The following NTM variants were observed in gnomAD, a reference collection of about 807,000 sequenced individuals.
NTM encodes IgLON family member 2.
NTM carries 13 observed loss-of-function variants against 42.1 expected under a neutral mutation model. The ratio of observed to expected loss-of-function variants is 0.31; its 90% confidence interval spans 0.20 to 0.49. The LOEUF (loss-of-function observed/expected upper bound fraction) is 0.49. Among genes scored for constraint, NTM ranks in the 20% least tolerant of loss-of-function variants. The pLI, the probability that NTM is intolerant of heterozygous loss-of-function variation, is 0.99. For missense variants in NTM, 373 were observed against 452.8 expected (o/e 0.82, Z 1.60); for synonymous variants, 187 against 179.2 (o/e 1.04, Z -0.35).
intron 2 of NTM, among the ~76,000 whole-genome samples, chr11:131,969,405 T>C (rs2063244388): frequency 6.6e-6 from 1 of 152,248 alleles, no homozygotes; most frequent in African/African-American, 2.4e-5. Flanking sequence ...GTACTCTGTA[T>C]GAATCATATG....
intron 1 of NTM, among the ~76,000 whole-genome samples, chr11:131,569,574 C>CTTTTTT (rs371565373): frequency 1.1e-4 from 15 of 130,876 alleles, no homozygotes; most frequent in East Asian, 2.3e-4. Context: ...TTTCTTCTCT[C>CTTTTTT]TTTTTTTTTT....
intron 1 of NTM, among the ~76,000 whole-genome samples, chr11:131,838,653 G>A (rs2043823537): frequency 6.6e-6 from 1 of 152,186 alleles, no homozygotes; most frequent in Admixed American, 6.5e-5. Context: ...ATGGTTGTGT[G>A]TGCGTACAAT....
chr11:132,323,203 G>C (rs1468753685), intron 7 of NTM, among the ~76,000 whole-genome samples: 1 of 149,064 alleles, frequency 6.7e-6, no homozygotes, highest in African/African-American at 2.5e-5. Context: ...AGGAAATAGA[G>C]ACACAAAAAA....
chr11:131,945,968 G>A (rs1191584133), intron 2 of NTM, among the ~76,000 whole-genome samples: 5 of 152,190 alleles, frequency 3.3e-5, no homozygotes, highest in Admixed American at 2.0e-4. Flanking sequence ...CAGGGTGCAG[G>A]CTGATGGATT....
At chr11:131,613,632 C>A (rs1471054672) in intron 1 of NTM, among the ~76,000 whole-genome samples, 1 of 152,116 alleles carries the variant, frequency 6.6e-6, no homozygotes. Context: ...TGCTGGTGTG[C>A]CTTGCTGAAG....
chr11:131,571,260 T>C (rs2057412057), intron 1 of NTM, among the ~76,000 whole-genome samples: 1 of 152,206 alleles, frequency 6.6e-6, no homozygotes, highest in Non-Finnish European at 1.5e-5. Context: ...AGTTAGTAGC[T>C]TGGCCGGAGC....
intron 1 of NTM, among the ~76,000 whole-genome samples, chr11:131,509,139 T>C (rs1036060981): frequency 6.6e-6 from 1 of 152,210 alleles, no homozygotes; most frequent in Non-Finnish European, 1.5e-5. Flanking sequence ...CTACACCATG[T>C]CAAATCTTCC....
chr11:131,678,100 T>G (rs538437190), intron 1 of NTM, among the ~76,000 whole-genome samples: 48 of 152,368 alleles, frequency 3.2e-4, no homozygotes, highest in South Asian at 6.2e-4. Flanking sequence ...TTCATGAGCA[T>G]TGCAGCTTCC....
At chr11:131,438,204 GC>G (rs1463819200) in intron 1 of NTM, among the ~76,000 whole-genome samples, 2 of 152,134 alleles carry the variant, frequency 1.3e-5, no homozygotes, top group African/African-American at 4.8e-5. Context: ...CTCTCTGGCT[GC>G]CCTTAAAATT....
chr11:132,122,212 G>T (rs548177712), intron 2 of NTM, among the ~76,000 whole-genome samples: 1 of 152,324 alleles, frequency 6.6e-6, no homozygotes, highest in East Asian at 1.9e-4. Flanking sequence ...GGGGCGCTGG[G>T]ACCCTGCCAA....
intron 1 of NTM, among the ~76,000 whole-genome samples, chr11:131,687,622 C>G (rs1371004874): frequency 6.6e-6 from 1 of 152,006 alleles, no homozygotes; most frequent in African/African-American, 2.4e-5. Context: ...TGAATTAGTG[C>G]CGCCCAAGTG....
intron 1 of NTM, among the ~76,000 whole-genome samples, chr11:131,628,716 G>A (rs937837171): frequency 8.5e-5 from 13 of 152,294 alleles, no homozygotes; most frequent in Admixed American, 8.5e-4. Context: ...TCCAGACCAA[G>A]GGACACCTGA....
chr11:131,696,986 T>A (rs2075532360), intron 1 of NTM, among the ~76,000 whole-genome samples: 1 of 152,202 alleles, frequency 6.6e-6, no homozygotes. Context: ...ACCCGTTTCG[T>A]TAGTGGAATA....
intron 2 of NTM, among the ~76,000 whole-genome samples, chr11:132,037,987 A>G (rs1286045228): frequency 2.0e-5 from 3 of 152,206 alleles, no homozygotes; most frequent in African/African-American, 7.2e-5. Flanking sequence ...TAAATTAACT[A>G]TGTAAATAGG....
At chr11:131,528,924 A>G (rs920830701) in intron 1 of NTM, among the ~76,000 whole-genome samples, 1 of 152,126 alleles carries the variant, frequency 6.6e-6, no homozygotes, top group African/African-American at 2.4e-5. Context: ...TGTGTTTTGT[A>G]TTTCCGAATA....
chr11:131,944,056 T>A (rs1035738188), intron 2 of NTM, among the ~76,000 whole-genome samples: 2 of 148,910 alleles, frequency 1.3e-5, no homozygotes, highest in African/African-American at 5.1e-5. Flanking sequence ...TTCTGAAACA[T>A]TTTTTTTTTC....
chr11:131,921,323 G>A (rs1183899041), intron 2 of NTM, among the ~76,000 whole-genome samples: 5 of 152,168 alleles, frequency 3.3e-5, no homozygotes, highest in Non-Finnish European at 2.9e-5. Context: ...CAGAAGACAC[G>A]CAGAGAGTGA....
chr11:132,280,326 G>T (rs967795575), intron 4 of NTM, among the ~76,000 whole-genome samples: 5 of 152,068 alleles, frequency 3.3e-5, no homozygotes, highest in African/African-American at 1.2e-4. Flanking sequence ...ATGTAACATG[G>T]TGAAAGTACA....
chr11:132,267,328 A>G (rs1158374684), intron 4 of NTM, among the ~76,000 whole-genome samples: 2 of 152,212 alleles, frequency 1.3e-5, no homozygotes, highest in Admixed American at 6.5e-5. Context: ...AAGACATGCT[A>G]TCATTTAAAT....
Sources: gnomAD v4.1 joint callset for allele counts (sites outside exome capture counted in the v4.1 genomes callset) on GRCh38, gnomAD v4.1.1 for gene constraint, MANE v1.5 for transcripts, NCBI Gene and HGNC (gene_info 2026-07-23, HGNC 2026-07-21) for gene names.